CSMD1: variants seen among roughly 807,000 people sequenced by gnomAD.
CSMD1 encodes the protein CUB and Sushi multiple domains 1, also known as CUB and sushi domain-containing protein 1.
A neutral mutation model predicts 417.5 loss-of-function variants in CSMD1; 213 were observed. That is an observed-to-expected ratio of 0.51 (90% confidence interval 0.46 to 0.57). The LOEUF is 0.57. Among genes scored for constraint, CSMD1 ranks in the 20% least tolerant of loss-of-function variants. The pLI is 0.00. For synonymous variants in CSMD1, 2,862 were observed against 1,736.8 expected (o/e 1.65, Z -16.11); for missense variants, 6,923 against 4,529.7 (o/e 1.53, Z -15.17).
intron 54 of CSMD1, among the ~76,000 whole-genome samples, chr8:2,986,607 C>T (rs890783161): frequency 1.2e-4 from 18 of 152,114 alleles, no homozygotes; most frequent in African/African-American, 3.6e-4. Flanking sequence ...CGGGTTCACA[C>T]CATTCTCCTG....
chr8:3,185,174 C>T (rs1465325613), intron 36 of CSMD1, among the ~76,000 whole-genome samples: 1 of 152,174 alleles, frequency 6.6e-6, no homozygotes, highest in Non-Finnish European at 1.5e-5. Context: ...GAGGGGAGTC[C>T]TGTGGAGAAG....
chr8:4,150,211 C>G (rs1585426558), intron 3 of CSMD1, among the ~76,000 whole-genome samples: 2 of 152,188 alleles, frequency 1.3e-5, no homozygotes, highest in Admixed American at 6.5e-5. Context: ...CAGGATCGGC[C>G]CCAGGAAAAC....
chr8:4,379,056 G>C (rs892410758), intron 3 of CSMD1, among the ~76,000 whole-genome samples: 1 of 152,104 alleles, frequency 6.6e-6, no homozygotes, highest in African/African-American at 2.4e-5. Context: ...GAAAAAAAAG[G>C]AATTTTATAG....
chr8:4,025,283 T>A (rs997030812), intron 4 of CSMD1, among the ~76,000 whole-genome samples: 4 of 152,188 alleles, frequency 2.6e-5, no homozygotes, highest in Admixed American at 1.3e-4. Flanking sequence ...TGTATGCCCC[T>A]ATCCAAAATC....
chr8:3,332,398 G>A (rs983665223), intron 23 of CSMD1, among the ~76,000 whole-genome samples: 2 of 152,218 alleles, frequency 1.3e-5, no homozygotes, highest in Non-Finnish European at 2.9e-5. Context: ...CTCTCCAGGT[G>A]GGGCCTGAAT....
chr8:3,378,146 T>C (rs1189756270), intron 18 of CSMD1, among the ~76,000 whole-genome samples: 2 of 152,230 alleles, frequency 1.3e-5, no homozygotes, highest in Non-Finnish European at 2.9e-5. Context: ...TAATAAGTTT[T>C]ATTTTCTAGG....
intron 3 of CSMD1, among the ~76,000 whole-genome samples, chr8:4,064,237 C>T (rs1047812140): frequency 6.6e-6 from 1 of 152,162 alleles, no homozygotes. Context: ...AGTGGTCATT[C>T]GCTGATGGAA....
chr8:4,544,802 A>T lies in CSMD1; in HGVS notation c.302+92540T>A, dbSNP rs141166769. ...TGTTCACTTATAGACCAAAAACCTG[A>T]ATTAGCTACCTGTAACACATTAATG... On this transcript the variant is annotated intron_variant, in intron 2 of 69. Transcript: ENST00000635120. Among the ~76,000 whole-genome samples the T allele has an allele frequency of 3.1e-4, 47 of 152,322 alleles. 2 individuals carry two copies. In the East Asian group the frequency reaches 9.1e-3, roughly 29 times the overall value.
At chr8:4,629,419 T>C (rs928531030) in intron 2 of CSMD1, among the ~76,000 whole-genome samples, 5 of 152,204 alleles carry the variant, frequency 3.3e-5, no homozygotes, top group African/African-American at 1.2e-4. Context: ...ACAAATGTAT[T>C]GTATTTGGAC....
chr8:4,518,011 C>G (rs1803217406), intron 2 of CSMD1, among the ~76,000 whole-genome samples: 1 of 152,094 alleles, frequency 6.6e-6, no homozygotes, highest in Non-Finnish European at 1.5e-5. Flanking sequence ...TAAATTGATA[C>G]ATAAGCTGTT....
intron 12 of CSMD1, among the ~76,000 whole-genome samples, chr8:3,453,704 C>T (rs187675744): frequency 2.0e-5 from 3 of 152,136 alleles, no homozygotes; most frequent in Non-Finnish European, 4.4e-5. Context: ...TGTACTTTTA[C>T]ATTTGCTGAG....
At chr8:3,646,229 G>A (rs970822753) in intron 7 of CSMD1, among the ~76,000 whole-genome samples, 13 of 151,992 alleles carry the variant, frequency 8.6e-5, no homozygotes, top group African/African-American at 3.1e-4. Context: ...TACAGCACAT[G>A]TACATAGAAA....
chr8:4,984,919 C>T (rs926316607), intron 1 of CSMD1, among the ~76,000 whole-genome samples: 1 of 152,132 alleles, frequency 6.6e-6, no homozygotes, highest in African/African-American at 2.4e-5. Flanking sequence ...AGCAGTGGCA[C>T]ATATGCATCC....
At chr8:4,220,881 G>A (rs80032511) in intron 3 of CSMD1, among the ~76,000 whole-genome samples, 2 of 152,152 alleles carry the variant, frequency 1.3e-5, no homozygotes, top group Non-Finnish European at 2.9e-5. Flanking sequence ...AAGAAGATTT[G>A]GGACTGGATG....
chr8:4,676,955 T>C (rs977358158), intron 1 of CSMD1, among the ~76,000 whole-genome samples: 1 of 147,042 alleles, frequency 6.8e-6, no homozygotes, highest in Non-Finnish European at 1.5e-5. Flanking sequence ...AAATTATATA[T>C]ATCTATCATA....
chr8:3,558,500 G>A (rs73658188), intron 10 of CSMD1, among the ~76,000 whole-genome samples: 23,962 of 120,602 alleles, frequency 0.2, 184 homozygotes, highest in East Asian at 0.36. Context: ...GATGAACGGT[G>A]CCTCAATGGT....
chr8:4,962,938 GGGA>G (rs1464289593), intron 1 of CSMD1, among the ~76,000 whole-genome samples: 1 of 152,146 alleles, frequency 6.6e-6, no homozygotes, highest in Non-Finnish European at 1.5e-5. Flanking sequence ...GATGAGAGAT[GGGA>G]GGAGAACATG....
At chr8:4,263,883 G>A (rs545654187) in intron 3 of CSMD1, among the ~76,000 whole-genome samples, 2 of 152,234 alleles carry the variant, frequency 1.3e-5, no homozygotes, top group Middle Eastern at 3.4e-3. Context: ...AGAATGCTCA[G>A]AACAATTATA....
chr8:3,809,656 T>G (rs1800951861), intron 5 of CSMD1, among the ~76,000 whole-genome samples: 1 of 152,160 alleles, frequency 6.6e-6, no homozygotes, highest in Admixed American at 6.6e-5. Context: ...CATTCTAACA[T>G]CAGGTGATGC....
Sources: gnomAD v4.1 joint callset for allele counts (sites outside exome capture counted in the v4.1 genomes callset) on GRCh38, gnomAD v4.1.1 for gene constraint, MANE v1.5 for transcripts, NCBI Gene and HGNC (gene_info 2026-07-23, HGNC 2026-07-21) for gene names.